SORCS1: variants seen among roughly 807,000 people sequenced by gnomAD.
The protein encoded by SORCS1 is VPS10 domain-containing receptor SorCS1.
A neutral mutation model predicts 146.1 loss-of-function variants in SORCS1; 60 were observed. That is an observed-to-expected ratio of 0.41 (90% CI 0.33 to 0.51). The LOEUF (loss-of-function observed/expected upper bound fraction) is 0.51. Ranked by LOEUF, SORCS1 falls within the 20% of genes least tolerant of loss-of-function variation. The probability of loss-of-function intolerance (pLI) is 0.21; values close to 1 mark genes in which losing one functional copy is unlikely to be tolerated. For missense variants in SORCS1, 1,352 were observed against 1,487.6 expected (o/e 0.91, Z 1.50); for synonymous variants, 637 against 584.0 (o/e 1.09, Z -1.31).
chr10:106,955,691 G>C (rs1954904138), intron 2 of SORCS1, among the ~76,000 whole-genome samples: 1 of 152,204 alleles, frequency 6.6e-6, no homozygotes, highest in Non-Finnish European at 1.5e-5. Context: ...AGTTAGTAAA[G>C]GAATGTTGCC....
chr10:106,905,101 C>A (rs773736376), intron 2 of SORCS1, among the ~76,000 whole-genome samples: 1 of 151,828 alleles, frequency 6.6e-6, no homozygotes, highest in African/African-American at 2.4e-5. Context: ...AAAATAACCA[C>A]AATTCTAAAA....
intron 1 of SORCS1, among the ~76,000 whole-genome samples, chr10:107,082,346 T>G (rs980930127): frequency 5.3e-5 from 8 of 152,184 alleles, no homozygotes; most frequent in Admixed American, 2.0e-4. Context: ...GCTTTTAAAG[T>G]TTTTTGTTAT....
At chr10:106,591,439 A>G (rs1490801923) in intron 24 of SORCS1, among the ~76,000 whole-genome samples, 1 of 152,254 alleles carries the variant, frequency 6.6e-6, no homozygotes, top group African/African-American at 2.4e-5. Context: ...TTTGATAAGA[A>G]GAAGCATGTC....
intron 24 of SORCS1, among the ~76,000 whole-genome samples, chr10:106,582,844 A>AG (rs1589660677): frequency 6.6e-6 from 1 of 152,214 alleles, no homozygotes; most frequent in Non-Finnish European, 1.5e-5. Flanking sequence ...TTTATTCATG[A>AG]GGACCTGGAA....
intron 1 of SORCS1, among the ~76,000 whole-genome samples, chr10:107,071,734 T>C (rs1199249137): frequency 6.6e-6 from 1 of 152,152 alleles, no homozygotes; most frequent in Non-Finnish European, 1.5e-5. Context: ...CACTAGTCAG[T>C]CCAGTCAGCG....
intron 2 of SORCS1, among the ~76,000 whole-genome samples, chr10:106,878,372 T>G (rs1387773475): frequency 1.3e-5 from 2 of 151,778 alleles, no homozygotes; most frequent in Non-Finnish European, 2.9e-5. Context: ...TGTTGAAACC[T>G]AATTACCAAT....
intron 1 of SORCS1, among the ~76,000 whole-genome samples, chr10:107,136,368 C>T (rs1306598873): frequency 6.6e-6 from 1 of 152,186 alleles, no homozygotes; most frequent in Non-Finnish European, 1.5e-5. Flanking sequence ...TAAGTCTTTA[C>T]TTTCCTGAGC....
Position 106,688,288 on chromosome 10 carries a change from T to C in SORCS1, c.1464A>G (p.Gln488=), listed in dbSNP as rs374020278. 7 of 1,613,898 alleles carry C rather than the reference T, an allele frequency of 4.3e-6. No homozygotes were observed. The highest frequency in any genetic ancestry group is 1.3e-5 in the African/African-American group (1 of 74,930). The change falls in exon 10 of 26, where the codon CAA becomes CAG. Residue 488 remains glutamine (Q), a synonymous_variant. Coordinates refer to ENST00000263054, the MANE Select transcript of SORCS1 (RefSeq NM_052918.5). The stretch of plus-strand genomic sequence containing the variant: ...TGTTATATGTGATGAAAGTCTTCAC[T>C]TGGTTGTCAATCTTCTTGTTAGCCA... ...MFLANKKIDN[Q]VKTFITYNKG... is the part of the protein sequence containing the mutation.
intron 3 of SORCS1, among the ~76,000 whole-genome samples, chr10:106,791,716 A>G (rs1946330998): frequency 6.6e-6 from 1 of 152,160 alleles, no homozygotes; most frequent in African/African-American, 2.4e-5. Context: ...CAAAAAAAGA[A>G]TATGAATTTT....
At chr10:106,589,732 C>A (rs149002895) in intron 24 of SORCS1, among the ~76,000 whole-genome samples, 387 of 151,514 alleles carry the variant, frequency 2.6e-3, no homozygotes, top group Non-Finnish European at 4.3e-3. Flanking sequence ...CTCCACCTCC[C>A]AGGTCTCCAT....
At chr10:106,611,715 C>T (rs1393792522) in intron 22 of SORCS1, among the ~76,000 whole-genome samples, 196 bp downstream of exon 22, 1 of 152,214 alleles carries the variant, frequency 6.6e-6, no homozygotes, top group Non-Finnish European at 1.5e-5. Context: ...ATAGTTGCAT[C>T]CCCTTTAGGG....
chr10:106,596,259 C>T (rs1016462496), intron 24 of SORCS1, among the ~76,000 whole-genome samples: 2 of 152,162 alleles, frequency 1.3e-5, no homozygotes, highest in South Asian at 2.1e-4. Flanking sequence ...ATTGCTACAC[C>T]GAACTTCCCC....
intron 2 of SORCS1, among the ~76,000 whole-genome samples, chr10:106,883,437 C>T (rs1294364260): frequency 7.8e-5 from 11 of 141,872 alleles, no homozygotes; most frequent in East Asian, 2.1e-4. Context: ...TTTTTTGAGA[C>T]GGAGTCTTGC....
chr10:106,828,209 CTCT>C (rs1158349150), intron 3 of SORCS1, among the ~76,000 whole-genome samples: 9 of 152,146 alleles, frequency 5.9e-5, no homozygotes, highest in Non-Finnish European at 1.3e-4. Context: ...TGGGTTTTCT[CTCT>C]TCTTCTTACT....
chr10:107,033,873 T>C (rs7077815), intron 1 of SORCS1, among the ~76,000 whole-genome samples: 54,498 of 151,970 alleles, frequency 0.36, 9,802 homozygotes, highest in Admixed American at 0.41. Flanking sequence ...TTTCCAGCCA[T>C]GTGGGGTGAG....
chr10:106,971,269 CCAGTGCCCCATAT>C (rs1476964860), intron 1 of SORCS1, among the ~76,000 whole-genome samples: 1 of 152,170 alleles, frequency 6.6e-6, no homozygotes, highest in Non-Finnish European at 1.5e-5. Context: ...CAGCATCACG[CCAGTGCCCCATAT>C]CCTCTCAGAA....
chr10:106,844,868 G>A (rs1214718735), intron 2 of SORCS1, among the ~76,000 whole-genome samples: 1 of 149,856 alleles, frequency 6.7e-6, no homozygotes, highest in Non-Finnish European at 1.5e-5. Flanking sequence ...TACTGAGAAT[G>A]ATGGTTTCCA....
chr10:107,020,664 G>A (rs1318844479), intron 1 of SORCS1, among the ~76,000 whole-genome samples: 1 of 152,166 alleles, frequency 6.6e-6, no homozygotes, highest in Non-Finnish European at 1.5e-5. Flanking sequence ...GAATTTGTGT[G>A]TCCTGTTTTT....
chr10:106,958,417 G>A (rs1955067510), intron 1 of SORCS1, among the ~76,000 whole-genome samples: 2 of 152,196 alleles, frequency 1.3e-5, no homozygotes, highest in South Asian at 4.1e-4. Flanking sequence ...GTAAGCTGCT[G>A]AGGAATGCTG....
Sources: gnomAD v4.1 joint callset for allele counts (sites outside exome capture counted in the v4.1 genomes callset) on GRCh38, gnomAD v4.1.1 for gene constraint, MANE v1.5 for transcripts, NCBI Gene and HGNC (gene_info 2026-07-23, HGNC 2026-07-21) for gene names.